The following ABCA13 variants were observed in gnomAD, a reference collection of about 807,000 sequenced individuals.
ABCA13 encodes ATP binding cassette subfamily A member 13, also known as ATP-binding cassette sub-family A member 13.
In ABCA13, 476 loss-of-function variants were observed where a neutral mutation model predicts 478.7. The ratio of observed to expected loss-of-function variants is 0.99; its 90% confidence interval spans 0.92 to 1.07. ABCA13 has a LOEUF of 1.07. Among genes scored for constraint, ABCA13 ranks in the 50% least tolerant of loss-of-function variants. The pLI is 0.00. For missense variants in ABCA13, 6,060 were observed against 5,910.6 expected (o/e 1.03, Z -0.83); for synonymous variants, 2,252 against 2,158.9 (o/e 1.04, Z -1.20).
chr7:48,416,835 T>C (rs1820077785), intron 41 of ABCA13, among the ~76,000 whole-genome samples: 1 of 152,000 alleles, frequency 6.6e-6, no homozygotes, highest in African/African-American at 2.4e-5. Context: ...TTCCCCACTC[T>C]CTTCCCTACA....
At position 48,646,029 on chromosome 7, in the gene ABCA13, T is replaced by A. The variant is rs943658180; in HGVS notation, c.*517T>A. Reference sequence around the variant, plus strand: ...TAATGATTTTAATGTAAGCTTTTATTAATACTGATGACATTATATGGTATG... The same window carrying A: ...TAATGATTTTAATGTAAGCTTTTATAAATACTGATGACATTATATGGTATG... On this transcript the variant is annotated 3_prime_UTR_variant, in exon 62 of 62. Transcript: ENST00000435803. 14 of 153,800 alleles carry A rather than the reference T, an allele frequency of 9.1e-5. No homozygotes were observed. Among genetic ancestry groups the A allele is most frequent in the African/African-American group, 3.4e-4 (14 of 41,460 alleles). 9.5% of individuals were successfully genotyped at this position (153,800 alleles called of 1,614,324 possible).
chr7:48,642,759 GGCAGGAGACTTCCTTT>G (rs1448016635), intron 59 of ABCA13, among the ~76,000 whole-genome samples: 1 of 152,148 alleles, frequency 6.6e-6, no homozygotes, highest in Non-Finnish European at 1.5e-5. Flanking sequence ...GAGCCCCTTA[GGCAGGAGACTTCCTTT>G]GCAGTCATAG....
intron 58 of ABCA13, among the ~76,000 whole-genome samples, chr7:48,597,834 G>T (rs1418247034): frequency 6.6e-6 from 1 of 152,138 alleles, no homozygotes; most frequent in Admixed American, 6.5e-5. Flanking sequence ...TTGAGAGGAA[G>T]GTACAGAAAT....
chr7:48,333,272 C>T (rs920458716), intron 27 of ABCA13, among the ~76,000 whole-genome samples: 1 of 152,244 alleles, frequency 6.6e-6, no homozygotes, highest in South Asian at 2.1e-4. Flanking sequence ...TTGCATTGTC[C>T]ATTTCTGGAG....
At chr7:48,257,098 G>C (rs2128713337) in intron 15 of ABCA13, among the ~76,000 whole-genome samples, 1 of 151,958 alleles carries the variant, frequency 6.6e-6, no homozygotes, top group Admixed American at 6.6e-5. Context: ...TTCTTGATTT[G>C]GCTTTCATCT....
At chr7:48,548,089 T>A (rs1784985405) in intron 55 of ABCA13, among the ~76,000 whole-genome samples, 1 of 151,944 alleles carries the variant, frequency 6.6e-6, no homozygotes, top group Admixed American at 6.6e-5. Context: ...ACTGATAATA[T>A]GTTCTTTTTA....
intron 20 of ABCA13, among the ~76,000 whole-genome samples, chr7:48,290,717 A>G (rs1451627280): frequency 6.6e-6 from 1 of 152,158 alleles, no homozygotes; most frequent in Admixed American, 6.5e-5. Flanking sequence ...CTATAAGGGA[A>G]TACTCCATGG....
chr7:48,434,635 A>G (rs528883711), intron 42 of ABCA13, among the ~76,000 whole-genome samples: 1 of 152,024 alleles, frequency 6.6e-6, no homozygotes, highest in African/African-American at 2.4e-5. Context: ...AGAAGTTTAT[A>G]GTTTTAGCTT....
At chr7:48,305,488 T>C (rs1345398043) in intron 23 of ABCA13, among the ~76,000 whole-genome samples, 1 of 152,200 alleles carries the variant, frequency 6.6e-6, no homozygotes, top group African/African-American at 2.4e-5. Context: ...TGTCTTGTCT[T>C]ACAAATTCTA....
intron 31 of ABCA13, among the ~76,000 whole-genome samples, chr7:48,363,928 T>G (rs1246861570): frequency 2.6e-5 from 4 of 152,196 alleles, no homozygotes; most frequent in African/African-American, 9.6e-5. Context: ...ACTATTATCA[T>G]CTGTTCAATG....
intron 56 of ABCA13, among the ~76,000 whole-genome samples, chr7:48,580,649 T>G (rs919041356): frequency 7.9e-5 from 12 of 152,230 alleles, no homozygotes; most frequent in African/African-American, 2.9e-4. Context: ...TGTATCCCCC[T>G]TGCTCTTTTC....
chr7:48,643,875 C>T (rs1339729261), intron 60 of ABCA13, among the ~76,000 whole-genome samples: 2 of 152,140 alleles, frequency 1.3e-5, no homozygotes, highest in Non-Finnish European at 2.9e-5. Flanking sequence ...ACCTGTTAGA[C>T]ATGCAGAATC....
chr7:48,282,947 AG>A (rs1346070041), intron 19 of ABCA13, among the ~76,000 whole-genome samples: 1 of 152,232 alleles, frequency 6.6e-6, no homozygotes, highest in Non-Finnish European at 1.5e-5. Context: ...TGAATGAATA[AG>A]TGCCAGAAGC....
chr7:48,359,700 C>G (rs1276080081), intron 31 of ABCA13, among the ~76,000 whole-genome samples: 2 of 151,932 alleles, frequency 1.3e-5, no homozygotes, highest in Non-Finnish European at 2.9e-5. Context: ...TTTGCCTCCT[C>G]CCTGCACTTG....
At position 48,273,783 on chromosome 7, in the gene ABCA13, C is replaced by T. The variant is rs774586355; in HGVS notation, c.4117C>T (p.Arg1373Cys). ...LYVNTSQRML[R>C]ILDTLNSTFS... The stretch of plus-strand genomic sequence containing the variant: ...TGTAAATACCTCACAGAGGATGTTA[C>T]GTATTCTAGACACGTTAAATTCCAC... Residue 1373 changes from arginine to cysteine, a missense_variant, in exon 17 of 62, where the codon CGT becomes TGT. Around this residue, in one of 3 missense-constraint regions of ABCA13, gnomAD observed 4,423 missense variants for 4,309.1 expected, o/e 1.03. Coordinates refer to ENST00000435803, the MANE Select transcript of ABCA13 (RefSeq NM_152701.5). 40 of 1,610,884 alleles carry T rather than the reference C, an allele frequency of 2.5e-5. 1 individual carries two copies. The highest frequency in any genetic ancestry group is 3.1e-5 in the Non-Finnish European group (36 of 1,178,434).
chr7:48,628,086 C>T (rs1476370582), intron 59 of ABCA13, among the ~76,000 whole-genome samples: 1 of 151,952 alleles, frequency 6.6e-6, no homozygotes, highest in Non-Finnish European at 1.5e-5. Context: ...GCATGCTATG[C>T]TTTCTCTTTC....
rs536719305 is a variant in ABCA13, at chr7:48,384,549, A to G, written c.11336-3273A>G. ...GGTGGTCACAGGACTGTGTGAATTAATACAACCAGATACCCTGGACAGTGC... is the reference window on the plus strand; with the variant it reads ...GGTGGTCACAGGACTGTGTGAATTAGTACAACCAGATACCCTGGACAGTGC... On this transcript the variant is annotated intron_variant, in intron 35 of 61. Coordinates refer to ENST00000435803, the MANE Select transcript of ABCA13 (RefSeq NM_152701.5). Among the ~76,000 whole-genome samples, 4 of 152,314 alleles carry G rather than the reference A, an allele frequency of 2.6e-5. No individual in the cohort carries two copies. In the South Asian group the frequency reaches 8.3e-4, roughly 32 times the overall value.
At chr7:48,338,252 C>A in intron 28 of ABCA13, 113 bp from the exon 29 acceptor site, 1 of 658,202 alleles carries the variant, frequency 1.5e-6, no homozygotes, top group South Asian at 4.5e-5. Flanking sequence ...TAAGTGGATT[C>A]AGTTTATGTG....
intron 38 of ABCA13, among the ~76,000 whole-genome samples, chr7:48,402,029 G>A (rs978501165): frequency 1.3e-5 from 2 of 152,296 alleles, no homozygotes; most frequent in South Asian, 4.1e-4. Context: ...GTTCTGTGAA[G>A]GACTGCACAG....
Sources: allele counts gnomAD v4.1 joint callset (sites outside exome capture counted in the v4.1 genomes callset), GRCh38; gene constraint gnomAD v4.1.1; regional missense constraint gnomAD v4.1.1; transcripts MANE v1.5; gene names NCBI Gene and HGNC (gene_info 2026-07-23, HGNC 2026-07-21).